SCN10A: variants seen among roughly 807,000 people sequenced by gnomAD.
The protein encoded by SCN10A is sodium channel protein type 10 subunit alpha.
In SCN10A, 162 loss-of-function variants were observed where a neutral mutation model predicts 170.7. The ratio of observed to expected loss-of-function variants is 0.95; its 90% confidence interval spans 0.84 to 1.08. The LOEUF is 1.08. SCN10A is among the 50% of genes least tolerant of loss of function. The pLI is 0.00. For missense variants in SCN10A, 2,527 were observed against 2,436.9 expected (o/e 1.04, Z -0.78); for synonymous variants, 985 against 904.6 (o/e 1.09, Z -1.59).
At chr3:38,756,589 C>T (rs1559446874) in intron 10 of SCN10A, 85 bp downstream of exon 10, 5 of 1,072,452 alleles carry the variant, frequency 4.7e-6, no homozygotes, top group African/African-American at 1.6e-5. Context: ...CTAAACGGTG[C>T]CCTAATTGAA....
At chr3:38,764,262 G>A (rs183015228) in intron 5 of SCN10A, among the ~76,000 whole-genome samples, 1 of 152,246 alleles carries the variant, frequency 6.6e-6, no homozygotes, top group East Asian at 1.9e-4. Context: ...AGGTGGTGTT[G>A]GGTTGCACAG....
chr3:38,760,699 C>A lies in SCN10A; in HGVS notation c.932G>T (p.Gly311Val), dbSNP rs762473664. 3.2e-5 allele frequency: 51 copies of A among 1,613,970 alleles called. No individual in the cohort carries two copies. The highest frequency in any genetic ancestry group is 4.3e-5 in the Non-Finnish European group (51 of 1,179,828). The change falls in exon 8 of 28, where the codon GGC becomes GTC. Residue 311 changes from glycine to valine, a missense_variant. By Grantham distance (109) the Gly-to-Val change is moderately radical. Coordinates refer to ENST00000449082, the MANE Select transcript of SCN10A (RefSeq NM_006514.4). ...KRGTSDPLLC[G>V]NGSDSGHCPD... ...AACTCACCCTGAGTCAGATCCATTG[C>A]CACACAGTAAGGGGTCAGAAGTGCC...
At chr3:38,814,643 G>C (rs2064460831) in intron 1 of SCN10A, among the ~76,000 whole-genome samples, 2 of 152,086 alleles carry the variant, frequency 1.3e-5, no homozygotes, top group Admixed American at 1.3e-4. Context: ...TATCCTTGTA[G>C]GTATGTGCTC....
intron 1 of SCN10A, among the ~76,000 whole-genome samples, chr3:38,801,158 C>T (rs2064368653): frequency 6.6e-6 from 1 of 152,104 alleles, no homozygotes; most frequent in African/African-American, 2.4e-5. Flanking sequence ...GGATGTTTCT[C>T]TGATTACACA....
chr3:38,706,055 T>C (rs1231618202), intron 26 of SCN10A, among the ~76,000 whole-genome samples: 3 of 152,308 alleles, frequency 2.0e-5, no homozygotes, highest in African/African-American at 2.4e-5. Flanking sequence ...AAGAAAGCTG[T>C]GCCCCTACAG....
At chr3:38,749,017 C>T (rs1027464323) in intron 13 of SCN10A, among the ~76,000 whole-genome samples, 4 of 152,238 alleles carry the variant, frequency 2.6e-5, no homozygotes, top group Non-Finnish European at 4.4e-5. Context: ...GTGAGCAAAA[C>T]AGATACATCT....
At chr3:38,786,307 G>A (rs1161194018) in intron 4 of SCN10A, among the ~76,000 whole-genome samples, 1 of 152,046 alleles carries the variant, frequency 6.6e-6, no homozygotes, top group Non-Finnish European at 1.5e-5. Flanking sequence ...CATAAAAAAG[G>A]GTGAGTTCAT....
intron 4 of SCN10A, among the ~76,000 whole-genome samples, chr3:38,785,716 T>A (rs2064191771): frequency 6.6e-6 from 1 of 151,948 alleles, no homozygotes; most frequent in South Asian, 2.1e-4. Context: ...TGGGAGAAAA[T>A]TTTTGCAATC....
At chr3:38,775,779 A>G (rs2064065551) in intron 4 of SCN10A, among the ~76,000 whole-genome samples, 1 of 152,180 alleles carries the variant, frequency 6.6e-6, no homozygotes, top group Non-Finnish European at 1.5e-5. Flanking sequence ...GGAATGCAAT[A>G]CTTCTAATTA....
rs143411470 is a variant in SCN10A at position 38,743,358 on chromosome 3, T to C, written c.1868-829A>G. Reference sequence around the variant, plus strand: ...ATTCAAGGCCTGCATCATCCAGACCTGTCTCCCTTCCAGACCATTGCCATG... The same window carrying C: ...ATTCAAGGCCTGCATCATCCAGACCCGTCTCCCTTCCAGACCATTGCCATG... On this transcript the variant is annotated intron_variant, in intron 13 of 27. Coordinates refer to ENST00000449082, the MANE Select transcript of SCN10A (RefSeq NM_006514.4). Among the ~76,000 whole-genome samples the C allele has an allele frequency of 3.1e-3, 472 of 152,322 alleles. 2 individuals carry two copies. Among genetic ancestry groups the C allele is most frequent in the African/African-American group, 0.01 (434 of 41,580 alleles).
At chr3:38,748,827 C>G (rs141869733) in intron 13 of SCN10A, among the ~76,000 whole-genome samples, 30 of 152,290 alleles carry the variant, frequency 2.0e-4, no homozygotes, top group African/African-American at 6.7e-4. Context: ...TTTGTTTCTC[C>G]TGCCTTTCTT....
chr3:38,744,186 A>AT (rs2063662691), intron 13 of SCN10A, among the ~76,000 whole-genome samples: 1 of 152,234 alleles, frequency 6.6e-6, no homozygotes, highest in South Asian at 2.1e-4. Context: ...TTATATATGC[A>AT]TAGAACATTG....
At chr3:38,747,601 G>C (rs1575995037) in intron 13 of SCN10A, among the ~76,000 whole-genome samples, 1 of 152,284 alleles carries the variant, frequency 6.6e-6, no homozygotes, top group East Asian at 1.9e-4. Flanking sequence ...ACCATAAGTG[G>C]AAGAGCTAGG....
At chr3:38,708,676 T>C (rs1191735903) in intron 25 of SCN10A, among the ~76,000 whole-genome samples, 1 of 152,208 alleles carries the variant, frequency 6.6e-6, no homozygotes, top group African/African-American at 2.4e-5. Flanking sequence ...TTGTTCAGGA[T>C]TTTGTTTACC....
intron 3 of SCN10A, among the ~76,000 whole-genome samples, chr3:38,790,683 C>T (rs1257302896): frequency 1.3e-5 from 2 of 152,066 alleles, no homozygotes; most frequent in African/African-American, 2.4e-5. Flanking sequence ...ACTGTAGATA[C>T]TGCTCTACGC....
rs1446912531 is a variant in SCN10A at position 38,698,568 on chromosome 3, A to G, written c.4658-6T>C. ...AATTGCAGAAAAAATCAGGCCTTTAAAAGAAGGAAGAAATTATCTAATTAG... is the reference window on the plus strand; with the variant it reads ...AATTGCAGAAAAAATCAGGCCTTTAGAAGAAGGAAGAAATTATCTAATTAG... On this transcript the variant is annotated splice_region_variant and splice_polypyrimidine_tract_variant and intron_variant, in intron 27 of 27. Transcript: ENST00000449082. 4 of 1,609,030 alleles carry G rather than the reference A, an allele frequency of 2.5e-6. No individual in the cohort carries two copies. In the Admixed American group the frequency reaches 5.0e-5, roughly 20 times the overall value.
chr3:38,718,022 A>G (rs562729444), intron 21 of SCN10A, among the ~76,000 whole-genome samples: 10 of 152,192 alleles, frequency 6.6e-5, no homozygotes, highest in Non-Finnish European at 1.0e-4. Context: ...ACTCCAGCTC[A>G]TTACCTCTCC....
chr3:38,774,721 C>A (rs974857108), intron 4 of SCN10A, among the ~76,000 whole-genome samples: 2 of 152,122 alleles, frequency 1.3e-5, no homozygotes, highest in African/African-American at 4.8e-5. Flanking sequence ...ACATTTCATT[C>A]CTTATTTTTA....
intron 15 of SCN10A, among the ~76,000 whole-genome samples, chr3:38,733,328 T>G (rs2063529134): frequency 6.6e-6 from 1 of 152,180 alleles, no homozygotes; most frequent in East Asian, 1.9e-4. Context: ...CTGGCTTGCA[T>G]TAGGCTATGA....
Sources: gnomAD v4.1 joint callset for allele counts (sites outside exome capture counted in the v4.1 genomes callset) on GRCh38, gnomAD v4.1.1 for gene constraint, MANE v1.5 for transcripts, NCBI Gene and HGNC (gene_info 2026-07-23, HGNC 2026-07-21) for gene names.